ADARB2: variants seen among roughly 807,000 people sequenced by gnomAD.
The protein encoded by ADARB2 is adenosine deaminase RNA specific B2 (inactive).
Under a neutral mutation model 62.2 loss-of-function variants are expected in ADARB2, and 25 were observed. The ratio of observed to expected loss-of-function variants is 0.40; its 90% confidence interval spans 0.29 to 0.56. The LOEUF is 0.56. ADARB2 is among the 20% of genes least tolerant of loss of function. The probability of loss-of-function intolerance (pLI) is 0.43; values close to 1 mark genes in which losing one functional copy is unlikely to be tolerated. For synonymous variants in ADARB2, 572 were observed against 500.8 expected (o/e 1.14, Z -1.90); for missense variants, 1,071 against 1,077.4 (o/e 0.99, Z 0.08).
At chr10:1,293,208 G>GAGGGAGAGAGAGAGGGAC (rs144948161) in intron 3 of ADARB2, among the ~76,000 whole-genome samples, 2 of 105,684 alleles carry the variant, frequency 1.9e-5, no homozygotes, top group African/African-American at 1.1e-4. Context: ...AAAAAAGAGG[G>GAGGGAGAGAGAGAGGGAC]AGGGAGGGAG....
At chr10:1,640,327 G>A (rs1833965604) in intron 1 of ADARB2, among the ~76,000 whole-genome samples, 1 of 152,090 alleles carries the variant, frequency 6.6e-6, no homozygotes, top group African/African-American at 2.4e-5. Flanking sequence ...GGGAGGGAGG[G>A]GTAGATATCA....
chr10:1,447,635 A>G (rs1830988183), intron 1 of ADARB2, among the ~76,000 whole-genome samples: 1 of 152,096 alleles, frequency 6.6e-6, no homozygotes, highest in Non-Finnish European at 1.5e-5. Flanking sequence ...TATACAGGTA[A>G]ACTTGTGTCA....
chr10:1,432,766 C>T (rs1198891384), intron 1 of ADARB2, among the ~76,000 whole-genome samples: 1 of 151,888 alleles, frequency 6.6e-6, no homozygotes, highest in African/African-American at 2.4e-5. Flanking sequence ...CCCCAGGGCT[C>T]CACTTTCTCT....
chr10:1,720,044 T>C (rs1835071105), intron 1 of ADARB2, among the ~76,000 whole-genome samples: 1 of 152,152 alleles, frequency 6.6e-6, no homozygotes. Flanking sequence ...CCCCACCAAA[T>C]AAATTGTTCT....
At chr10:1,667,220 G>T (rs1191977594) in intron 1 of ADARB2, among the ~76,000 whole-genome samples, 1 of 152,200 alleles carries the variant, frequency 6.6e-6, no homozygotes, top group Non-Finnish European at 1.5e-5. Flanking sequence ...ATGATAATTA[G>T]TCAGATATTG....
chr10:1,436,869 T>C, intron 1 of ADARB2, among the ~76,000 whole-genome samples: 1 of 152,228 alleles, frequency 6.6e-6, no homozygotes, highest in Non-Finnish European at 1.5e-5. Context: ...GCAGGAATTC[T>C]TATATTGCTT....
At chr10:1,270,871 C>A (rs1831254652) in intron 4 of ADARB2, 84 bp downstream of exon 4, 2 of 1,176,530 alleles carry the variant, frequency 1.7e-6, no homozygotes, top group Non-Finnish European at 1.2e-6. Context: ...GAAGAGAGAG[C>A]CTTTTGGCCT....
intron 3 of ADARB2, among the ~76,000 whole-genome samples, chr10:1,305,251 C>T (rs1831615466): frequency 2.1e-5 from 3 of 144,094 alleles, no homozygotes; most frequent in Non-Finnish European, 4.6e-5. Context: ...ATACAAACTA[C>T]CATCAGAGAA....
intron 1 of ADARB2, among the ~76,000 whole-genome samples, chr10:1,631,155 C>T (rs998478915): frequency 7.2e-5 from 11 of 152,160 alleles, no homozygotes; most frequent in African/African-American, 1.9e-4. Flanking sequence ...GTGTGCAACA[C>T]GTTCGATGTG....
chr10:1,186,948 C>T (rs1026040730), intron 8 of ADARB2, among the ~76,000 whole-genome samples: 6 of 152,236 alleles, frequency 3.9e-5, no homozygotes, highest in African/African-American at 7.2e-5. Flanking sequence ...GGGGAAGACC[C>T]ACTGACTACA....
intron 1 of ADARB2, among the ~76,000 whole-genome samples, chr10:1,603,669 CACAT>C (rs978686429): frequency 6.7e-6 from 1 of 150,174 alleles, no homozygotes; most frequent in Non-Finnish European, 1.5e-5. Flanking sequence ...AAGTCACAGT[CACAT>C]ACAATTTTAG....
chr10:1,371,945 C>G (rs1308869058), intron 2 of ADARB2, among the ~76,000 whole-genome samples: 1 of 152,092 alleles, frequency 6.6e-6, no homozygotes, highest in Non-Finnish European at 1.5e-5. Flanking sequence ...TTTGACCCAG[C>G]AATTTTACTG....
intron 7 of ADARB2, among the ~76,000 whole-genome samples, chr10:1,210,996 T>C (rs1837142909): frequency 6.6e-6 from 1 of 151,898 alleles, no homozygotes; most frequent in African/African-American, 2.4e-5. Flanking sequence ...CTCTGGGCAC[T>C]CTCCCTGCCA....
intron 3 of ADARB2, among the ~76,000 whole-genome samples, chr10:1,352,694 T>C (rs1832155109): frequency 6.6e-6 from 1 of 152,216 alleles, no homozygotes. Flanking sequence ...TTCTTCCTCA[T>C]ACCTGACGCA....
At chr10:1,467,114 G>A (rs1831264187) in intron 1 of ADARB2, among the ~76,000 whole-genome samples, 1 of 152,122 alleles carries the variant, frequency 6.6e-6, no homozygotes. Flanking sequence ...TAAAGCAGGA[G>A]AGAGACTCCT....
chr10:1,505,086 G>GAC (rs779183304), intron 1 of ADARB2, among the ~76,000 whole-genome samples: 12 of 149,580 alleles, frequency 8.0e-5, no homozygotes, highest in African/African-American at 2.4e-4. Context: ...ATGCACACAG[G>GAC]ACACACACAC....
At chr10:1,270,186 G>T (rs1270828765) in intron 4 of ADARB2, among the ~76,000 whole-genome samples, 1 of 152,160 alleles carries the variant, frequency 6.6e-6, no homozygotes, top group Non-Finnish European at 1.5e-5. Context: ...CAGTCATTTG[G>T]TCCTTTATTT....
chr10:1,252,007 C>A (rs1053766690), intron 4 of ADARB2, among the ~76,000 whole-genome samples: 1 of 152,182 alleles, frequency 6.6e-6, no homozygotes, highest in Non-Finnish European at 1.5e-5. Flanking sequence ...ATGGCTCAGT[C>A]TGAGGTACTT....
intron 1 of ADARB2, among the ~76,000 whole-genome samples, chr10:1,581,040 A>G (rs1833091115): frequency 6.6e-6 from 1 of 152,154 alleles, no homozygotes; most frequent in Non-Finnish European, 1.5e-5. Flanking sequence ...TGTGTGCAGG[A>G]TTTTGTGTGG....
Sources: allele counts gnomAD v4.1 joint callset (sites outside exome capture counted in the v4.1 genomes callset), GRCh38; gene constraint gnomAD v4.1.1; transcripts MANE v1.5; gene names NCBI Gene and HGNC (gene_info 2026-07-23, HGNC 2026-07-21).